The following SOAT2 variants were observed in gnomAD, a reference collection of about 807,000 sequenced individuals.
SOAT2 encodes sterol O-acyltransferase 2, also known as ACAT-2.
Under a neutral mutation model 76.0 loss-of-function variants are expected in SOAT2, and 87 were observed. The observed-to-expected ratio is 1.14, with a 90% CI of 0.96 to 1.37. SOAT2 has a LOEUF of 1.37. Among genes scored for constraint, SOAT2 ranks in the 40% most tolerant of loss-of-function variants. The probability of loss-of-function intolerance (pLI) is 0.00; values close to 1 mark genes in which losing one functional copy is unlikely to be tolerated. For synonymous variants in SOAT2, 285 were observed against 275.4 expected, an observed-to-expected ratio of 1.03 and a Z score of -0.34; for missense variants, 686 against 682.1, an observed-to-expected ratio of 1.01 and a Z score of -0.06.
chr12:53,110,991 A>C (rs1592276238), intron 5 of SOAT2, among the ~76,000 whole-genome samples: 1 of 152,158 alleles, frequency 6.6e-6, no homozygotes, highest in Non-Finnish European at 1.5e-5. Flanking sequence ...CTACATTTTT[A>C]TTGGAAAATA....
At chr12:53,115,952 A>G (rs1424960779) in intron 6 of SOAT2, 145 bp from the exon 7 acceptor site, 22 of 753,278 alleles carry the variant, frequency 2.9e-5, no homozygotes, top group Non-Finnish European at 1.6e-5. Context: ...CTATACGGCC[A>G]TCCAACAAAA....
chr12:53,120,966 G>A (rs1160202988), intron 11 of SOAT2, 83 bp downstream of exon 11: 4 of 1,045,302 alleles, frequency 3.8e-6, no homozygotes, highest in Non-Finnish European at 1.5e-6. Flanking sequence ...GCCAGGTTGG[G>A]TGTCACTTCA....
intron 5 of SOAT2, 113 bp from the exon 6 acceptor site, chr12:53,115,277 G>C: frequency 8.0e-7 from 1 of 1,249,314 alleles, no homozygotes; most frequent in Non-Finnish European, 1.1e-6. Flanking sequence ...GAGATGGGGA[G>C]CTCACAACCT....
rs1012396246 is a variant in SOAT2, at chr12:53,120,881, C to T, written c.1135C>T (p.Arg379Trp). 6.2e-6 allele frequency: 10 copies of T among 1,612,728 alleles called. No homozygotes were observed. The highest frequency in any genetic ancestry group is 4.0e-5 in the African/African-American group (3 of 74,860). The change falls in exon 11 of 15, where the codon CGG (arginine) becomes TGG (tryptophan). Residue 379 changes from arginine (R) to tryptophan (W), a missense_variant and splice_region_variant. By Grantham distance (101) the Arg-to-Trp change is moderately radical. Transcript: ENST00000301466. Reference protein sequence around the residue: ...MLRFGDRMFYRDWWNSTSFSN... With the variant: ...MLRFGDRMFYWDWWNSTSFSN... Reference sequence around the variant, plus strand: ...ACGATTTGGAGACAGGATGTTCTACCGGGTGGGGCCTGGACCTAGGCCAGT... The same window carrying T: ...ACGATTTGGAGACAGGATGTTCTACTGGGTGGGGCCTGGACCTAGGCCAGT...
At position 53,115,711 on chromosome 12, in the gene SOAT2, G is replaced by A. The variant is rs573913754; in HGVS notation, c.708+57G>A. 14 of 1,450,904 alleles carry A rather than the reference G, an allele frequency of 9.6e-6. No homozygotes were observed. In the Admixed American group the frequency reaches 3.0e-4, roughly 31 times the overall value. The allele number at this position is 1,450,904 out of a possible 1,614,324, so 89.9% of individuals were successfully genotyped here. A position where few individuals can be genotyped will look rare whatever the true frequency, so the allele number is the denominator to read the frequency against. On this transcript the variant is annotated intron_variant, in intron 6 of 14. Coordinates refer to ENST00000301466, the MANE Select transcript of SOAT2 (RefSeq NM_003578.4). ...GGAACCAGCTGGTGGGGCCATCTCA[G>A]CAGAGGGGGAGTCCCCCAAAGAGGG...
At chr12:53,121,911 G>A (rs992227964) in intron 12 of SOAT2, among the ~76,000 whole-genome samples, 2 of 145,018 alleles carry the variant, frequency 1.4e-5, no homozygotes, top group Non-Finnish European at 3.0e-5. Flanking sequence ...GGGTTCAAGC[G>A]ATTCTTCTGC....
At chr12:53,123,455 T>C (rs989617332) in intron 13 of SOAT2, among the ~76,000 whole-genome samples, 5 of 152,094 alleles carry the variant, frequency 3.3e-5, no homozygotes, top group Admixed American at 1.3e-4. Context: ...AGAGGAATAT[T>C]TGAATAGATC....
Position 53,120,809 on chromosome 12 carries a change from T to G in SOAT2, c.1063T>G (p.Phe355Val). The G allele has an allele frequency of 6.2e-7, 1 of 1,614,052 alleles. No homozygotes were observed. The highest frequency in any genetic ancestry group is 8.5e-7 in the Non-Finnish European group (1 of 1,179,946). Residue 355 changes from phenylalanine (F) to valine (V), a missense_variant, in exon 11 of 15, where the codon TTC (phenylalanine) becomes GTC (valine). Transcript: ENST00000301466. Reference sequence around the variant, plus strand: ...AGGCATCTTCATGCTGCTGCTCATCTTCTTTGCCTTCCTCCATTGCTGGCT... The same window carrying G: ...AGGCATCTTCATGCTGCTGCTCATCGTCTTTGCCTTCCTCCATTGCTGGCT... ...LPGIFMLLLI[F>V]FAFLHCWLNA...
intron 3 of SOAT2, 100 bp downstream of exon 3, chr12:53,105,343 T>C (rs576434590): frequency 7.0e-7 from 1 of 1,421,786 alleles, no homozygotes; most frequent in South Asian, 1.3e-5. Context: ...GGACCGTGAC[T>C]CCAGCCTTCC....
intron 5 of SOAT2, among the ~76,000 whole-genome samples, chr12:53,111,111 C>CTTTTTT (rs1565626647): frequency 3.8e-5 from 5 of 131,036 alleles, no homozygotes; most frequent in African/African-American, 1.3e-4. Context: ...CATTTGCCTA[C>CTTTTTT]ATTTTTTTTT....
At chr12:53,121,882 C>T (rs1269022179) in intron 12 of SOAT2, among the ~76,000 whole-genome samples, 2 of 142,876 alleles carry the variant, frequency 1.4e-5, no homozygotes, top group Non-Finnish European at 3.0e-5. Flanking sequence ...TCTTGGCTCA[C>T]CTGCAACCTC....
chr12:53,103,540 C>T lies in SOAT2; in HGVS notation c.-38C>T, dbSNP rs921999683. The T allele has an allele frequency of 3.3e-5, 51 of 1,532,048 alleles. No homozygotes were observed. The highest frequency in any genetic ancestry group is 2.2e-4 in the Admixed American group (11 of 50,938). 94.9% of individuals were successfully genotyped at this position (1,532,048 alleles called of 1,614,324 possible). On this transcript the variant is annotated 5_prime_UTR_variant, in exon 1 of 15. It adds an upstream start codon to the 5' untranslated region. Transcript: ENST00000301466. Reference sequence around the variant, plus strand: ...CACACTGCGAAGGAAGGAGGCAACACGGGCAAGGGCTGCCTGCTGCCCGCT... The same window carrying T: ...CACACTGCGAAGGAAGGAGGCAACATGGGCAAGGGCTGCCTGCTGCCCGCT...
rs768801419 is a variant in SOAT2 at position 53,115,449 on chromosome 12, T to C, written c.503T>C (p.Val168Ala). The C allele has an allele frequency of 3.1e-6, 5 of 1,612,516 alleles. No individual in the cohort carries two copies. Among genetic ancestry groups the C allele is most frequent in the Non-Finnish European group, 4.2e-6 (5 of 1,179,756 alleles). The stretch of plus-strand genomic sequence containing the variant: ...TTCGGACAGCTGCCATTGGCGCTGG[T>C]GACCTGGGTGCCCATGTTTCTGTCC... ...FSFGQLPLAL[V>A]TWVPMFLSTL... is the part of the protein sequence containing the mutation. Residue 168 changes from valine (V) to alanine (A), a missense_variant, in exon 6 of 15, where the codon GTG becomes GCG. Transcript: ENST00000301466.
intron 9 of SOAT2, 40 bp downstream of exon 9, chr12:53,118,975 G>A: frequency 3.1e-6 from 5 of 1,613,098 alleles, no homozygotes; most frequent in Non-Finnish European, 4.2e-6. Context: ...GTGACTCATG[G>A]TGGTGGAGAG....
Position 53,124,155 on chromosome 12 carries a change from C to A in SOAT2, c.*32C>A. On this transcript the variant is annotated 3_prime_UTR_variant, in exon 15 of 15. Transcript: ENST00000301466. ...GGACAGACGACGCTACCTGCCCAGA[C>A]ACCACCAAGTTCTCTGCCTGCAAAA... 6.2e-7 allele frequency: 1 copy of A among 1,613,058 alleles called. No homozygotes were observed. The highest frequency in any genetic ancestry group is 8.5e-7 in the Non-Finnish European group (1 of 1,179,064).
At chr12:53,113,593 G>A (rs1336395095) in intron 5 of SOAT2, among the ~76,000 whole-genome samples, 5 of 152,192 alleles carry the variant, frequency 3.3e-5, no homozygotes, top group East Asian at 1.9e-4. Flanking sequence ...GCCCAGTAAC[G>A]AGATGCAGAT....
rs773548415 is a variant in SOAT2 at position 53,103,677 on chromosome 12, G to A, written c.82+18G>A. 4 of 1,509,224 alleles carry A rather than the reference G, an allele frequency of 2.7e-6. No homozygotes were observed. The highest frequency in any genetic ancestry group is 2.2e-5 in the Admixed American group (1 of 45,866). The allele number at this position is 1,509,224 out of a possible 1,614,324, so 93.5% of individuals were successfully genotyped here. On this transcript the variant is annotated intron_variant, in intron 1 of 14. Transcript: ENST00000301466. ...TGGAGATGGTGAGCCGCCCTCGGGG[G>A]TGCAGAAGGCACAGGCAAGTGGGGG...
chr12:53,120,021 C>T (rs570393691), intron 10 of SOAT2, among the ~76,000 whole-genome samples: 1 of 152,312 alleles, frequency 6.6e-6, no homozygotes, highest in East Asian at 1.9e-4. Flanking sequence ...AGTAAATGTA[C>T]ATGAACAAAT....
intron 5 of SOAT2, among the ~76,000 whole-genome samples, 155 bp from the exon 6 acceptor site, chr12:53,115,235 G>A (rs1452590772): frequency 1.3e-5 from 2 of 152,196 alleles, no homozygotes; most frequent in Non-Finnish European, 2.9e-5. Flanking sequence ...GCAACGCCCT[G>A]TGCCACAGAG....
Sources: gnomAD v4.1 joint callset for allele counts (sites outside exome capture counted in the v4.1 genomes callset) on GRCh38, gnomAD v4.1.1 for gene constraint, MANE v1.5 for transcripts, NCBI Gene and HGNC (gene_info 2026-07-23, HGNC 2026-07-21) for gene names.